Variants in PIEZO2 observed in about 807,000 individuals in gnomAD.
PIEZO2 encodes the protein piezo-type mechanosensitive ion channel component 2.
PIEZO2 carries 172 observed loss-of-function variants against 337.3 expected under a neutral mutation model. The ratio of observed to expected loss-of-function variants is 0.51; its 90% CI spans 0.45 to 0.58. The LOEUF (loss-of-function observed/expected upper bound fraction) is 0.58, where lower values mean the gene tolerates loss of function less well. PIEZO2 is among the 20% of genes least tolerant of loss of function. The pLI, the probability that PIEZO2 is intolerant of heterozygous loss-of-function variation, is 0.00. For synonymous variants in PIEZO2, 1,251 were observed against 1,228.5 expected (o/e 1.02, Z -0.38); for missense variants, 3,028 against 3,391.3 (o/e 0.89, Z 2.66).
intron 4 of PIEZO2, among the ~76,000 whole-genome samples, chr18:10,900,498 T>C (rs535401666): frequency 9.5e-4 from 144 of 152,348 alleles, no homozygotes; most frequent in Non-Finnish European, 1.6e-3. Context: ...AGATATCTCA[T>C]GACAATGGGT....
At position 10,872,733 on chromosome 18, in the gene PIEZO2, G is replaced by A. The variant is rs1490690235; in HGVS notation, c.330-1318C>T. On this transcript the variant is annotated intron_variant, in intron 4 of 55. Coordinates refer to ENST00000674853, the MANE Select transcript of PIEZO2 (RefSeq NM_001378183.1). The surrounding 1 kb of genome is among the most constrained non-coding windows in gnomAD (Gnocchi z 4.3). ...TAAAGCCACATGAAGAGCGATTCCC[G>A]GCATGTTCTCTGCTCACTCATATAA... Among the ~76,000 whole-genome samples the A allele has an allele frequency of 3.3e-5, 5 of 152,092 alleles. No individual in the cohort carries two copies. Among genetic ancestry groups the A allele is most frequent in the South Asian group, 2.1e-4 (1 of 4,824 alleles).
In PIEZO2 at chr18:11,009,049, T is replaced by G. The variant is rs1002990909; in HGVS notation, c.161-29389A>C. Among the ~76,000 whole-genome samples the G allele has an allele frequency of 6.6e-6, 1 of 152,230 alleles. No homozygotes were observed. Among genetic ancestry groups the G allele is most frequent in the African/African-American group, 2.4e-5 (1 of 41,472 alleles). Reference sequence around the variant, plus strand: ...ATTATCCTTTGTACTGTCTTGAAGATTGAATTCTGTTACTTAACTACGTAC... The same window carrying G: ...ATTATCCTTTGTACTGTCTTGAAGAGTGAATTCTGTTACTTAACTACGTAC... On this transcript the variant is annotated intron_variant, in intron 2 of 55. Coordinates refer to ENST00000674853, the MANE Select transcript of PIEZO2 (RefSeq NM_001378183.1). The surrounding 1 kb of genome is among the most constrained non-coding windows in gnomAD (Gnocchi z 4.6).
Position 10,766,331 on chromosome 18 carries a change from AAGG to A in PIEZO2, c.2947-3236_2947-3234del, listed in dbSNP as rs1212025714. 6.6e-6 allele frequency among the ~76,000 whole-genome samples: 1 copy of A among 151,360 alleles called. No individual in the cohort carries two copies. Among genetic ancestry groups the A allele is most frequent in the Non-Finnish European group, 1.5e-5 (1 of 67,806 alleles). ...GAAGGGGAAGGAGAAGTAGGAGGAGAAGGAGGAGGAGGAGGACAATGACTATGA... is the reference window on the plus strand; with the variant it reads ...GAAGGGGAAGGAGAAGTAGGAGGAGAAGGAGGAGGAGGACAATGACTATGA... On this transcript the variant is annotated intron_variant, in intron 21 of 55. Coordinates refer to ENST00000674853, the MANE Select transcript of PIEZO2 (RefSeq NM_001378183.1). This position sits in a 1 kb window ranked among gnomAD's most constrained non-coding sequence, Gnocchi z 6.1.
chr18:10,917,296 T>G (rs1233978052), intron 3 of PIEZO2, among the ~76,000 whole-genome samples: 1 of 152,174 alleles, frequency 6.6e-6, no homozygotes, highest in East Asian at 1.9e-4. Flanking sequence ...TCTGGTCATC[T>G]TTATTTCCTT....
chr18:11,070,030 A>C lies in PIEZO2; in HGVS notation c.65-3808T>G, dbSNP rs73400504. ...AATTGAAGAAGACACAAATACAGTC[A>C]TGGACCTCTTAGCATCAGCAATATG... is the stretch of plus-strand genomic sequence containing the variant. On this transcript the variant is annotated intron_variant, in intron 1 of 55. Coordinates refer to ENST00000674853, the MANE Select transcript of PIEZO2 (RefSeq NM_001378183.1). The surrounding 1 kb of genome is among the most constrained non-coding windows in gnomAD (Gnocchi z 4.3). Among the ~76,000 whole-genome samples the C allele has an allele frequency of 4.7e-3, 711 of 152,362 alleles. 8 individuals are homozygous for C. The highest frequency in any genetic ancestry group is 0.016 in the African/African-American group (668 of 41,576).
In PIEZO2 at chr18:10,899,778, A is replaced by G. The variant is rs1264464204; in HGVS notation, c.329+11408T>C. On this transcript the variant is annotated intron_variant, in intron 4 of 55. Transcript: ENST00000674853. The surrounding 1 kb of genome is among the most constrained non-coding windows in gnomAD (Gnocchi z 4.6). Reference sequence around the variant, plus strand: ...TATAGTTCATCTCTTCATGCCCCTCATGAAACCTACAATGTTCATGCTAAC... The same window carrying G: ...TATAGTTCATCTCTTCATGCCCCTCGTGAAACCTACAATGTTCATGCTAAC... 6.6e-6 allele frequency among the ~76,000 whole-genome samples: 1 copy of G among 152,180 alleles called. No homozygotes were observed. Among genetic ancestry groups the G allele is most frequent in the African/African-American group, 2.4e-5 (1 of 41,454 alleles).
rs183158958 is a variant in PIEZO2, at chr18:11,059,070, C to T, written c.160+7057G>A. Among the ~76,000 whole-genome samples, 566 of 152,284 alleles carry T rather than the reference C, an allele frequency of 3.7e-3. 3 individuals carry two copies. Among genetic ancestry groups the T allele is most frequent in the African/African-American group, 0.013 (546 of 41,558 alleles). On this transcript the variant is annotated intron_variant, in intron 2 of 55. Transcript: ENST00000674853. ...AACAGCTGATTTCTCGGCAGAAACT[C>T]TACAAGCCAGAAGAGAGTGGGGGCC...
chr18:10,889,864 A>G (rs117348675), intron 4 of PIEZO2, among the ~76,000 whole-genome samples: 4 of 152,212 alleles, frequency 2.6e-5, no homozygotes, highest in African/African-American at 7.2e-5. Flanking sequence ...CACATAGAAG[A>G]AAGAGCTCCC....
In PIEZO2 at chr18:11,105,266, T is replaced by C. The variant is rs1018875590; in HGVS notation, c.65-39044A>G. The stretch of plus-strand genomic sequence containing the variant: ...CACGCCCAAAGACTGCAAACCAATA[T>C]GGACTCACAACGCCCATTTGACACA... On this transcript the variant is annotated intron_variant, in intron 1 of 55. Coordinates refer to ENST00000674853, the MANE Select transcript of PIEZO2 (RefSeq NM_001378183.1). The surrounding 1 kb of genome is among the most constrained non-coding windows in gnomAD (Gnocchi z 4.3). Among the ~76,000 whole-genome samples the C allele has an allele frequency of 3.9e-5, 6 of 152,158 alleles. No individual in the cohort carries two copies. The highest frequency in any genetic ancestry group is 8.8e-5 in the Non-Finnish European group (6 of 68,036).
In PIEZO2 at chr18:10,699,251, C is replaced by G. The variant is rs917997173; in HGVS notation, c.6442-74G>C. The G allele has an allele frequency of 6.0e-6, 9 of 1,510,404 alleles. No individual in the cohort carries two copies. In the African/African-American group the frequency reaches 1.3e-4, roughly 21 times the overall value. 93.6% of individuals were successfully genotyped at this position (1,510,404 alleles called of 1,614,324 possible). A position where few individuals can be genotyped will look rare whatever the true frequency, so the allele number is the denominator to read the frequency against. Reference sequence around the variant, plus strand: ...CCCTTGGTATTCTGTCTTACAAAATCTCATCCAACAAACTGTCCTTCAAGA... The same window carrying G: ...CCCTTGGTATTCTGTCTTACAAAATGTCATCCAACAAACTGTCCTTCAAGA... On this transcript the variant is annotated intron_variant, in intron 43 of 55. Coordinates refer to ENST00000674853, the MANE Select transcript of PIEZO2 (RefSeq NM_001378183.1).
intron 2 of PIEZO2, among the ~76,000 whole-genome samples, chr18:10,989,991 A>G (rs1319270320): frequency 6.6e-6 from 1 of 152,190 alleles, no homozygotes. Flanking sequence ...GAGACGAATA[A>G]TGACATTTAC....
chr18:10,684,397 C>A (rs2034445596), intron 49 of PIEZO2, among the ~76,000 whole-genome samples: 1 of 150,918 alleles, frequency 6.6e-6, no homozygotes, highest in African/African-American at 2.4e-5. Flanking sequence ...AATCTCCTGG[C>A]CTCGTGATCT....
chr18:11,147,584 T>C (rs994292449), intron 1 of PIEZO2, among the ~76,000 whole-genome samples: 1 of 152,188 alleles, frequency 6.6e-6, no homozygotes, highest in Non-Finnish European at 1.5e-5. Context: ...GTAAATACAG[T>C]TACTACTTGG....
At position 11,009,534 on chromosome 18, in the gene PIEZO2, T is replaced by C. The variant is rs150589954; in HGVS notation, c.161-29874A>G. The stretch of plus-strand genomic sequence containing the variant: ...AGCAGCGTATGAGAGTAGCAGCACC[T>C]TTCTTCTTATTAAACATTTAAGTAA... On this transcript the variant is annotated intron_variant, in intron 2 of 55. Transcript: ENST00000674853. The surrounding 1 kb of genome is among the most constrained non-coding windows in gnomAD (Gnocchi z 4.6). Among the ~76,000 whole-genome samples the C allele has an allele frequency of 3.4e-3, 520 of 152,344 alleles. 3 individuals are homozygous for C. The highest frequency in any genetic ancestry group is 4.9e-3 in the Non-Finnish European group (334 of 68,030).
At chr18:10,891,673 A>G (rs1189762051) in intron 4 of PIEZO2, among the ~76,000 whole-genome samples, 1 of 152,214 alleles carries the variant, frequency 6.6e-6, no homozygotes, top group East Asian at 1.9e-4. Flanking sequence ...AGAGCATTGC[A>G]ATTTTGAGAC....
intron 1 of PIEZO2, among the ~76,000 whole-genome samples, chr18:11,075,210 T>C (rs1193754916): frequency 1.3e-5 from 2 of 152,244 alleles, no homozygotes; most frequent in Non-Finnish European, 2.9e-5. Flanking sequence ...AATAATTTTC[T>C]TTCTGTACGC....
rs79635140 is a variant in PIEZO2, at chr18:10,699,344, G to T, written c.6442-167C>A. Among the ~76,000 whole-genome samples the T allele has an allele frequency of 0.018, 2,805 of 152,282 alleles. 89 individuals are homozygous for T. The highest frequency in any genetic ancestry group is 0.064 in the African/African-American group (2,669 of 41,548). On this transcript the variant is annotated intron_variant, in intron 43 of 55. Coordinates refer to ENST00000674853, the MANE Select transcript of PIEZO2 (RefSeq NM_001378183.1). ...TCATCTTGAATTCCCACATGTTGTGGGAGAGACCCGGTGGGACGTAATTGA... is the reference window on the plus strand; with the variant it reads ...TCATCTTGAATTCCCACATGTTGTGTGAGAGACCCGGTGGGACGTAATTGA...
chr18:10,780,767 A>G (rs1004581445), intron 17 of PIEZO2, among the ~76,000 whole-genome samples: 2 of 145,994 alleles, frequency 1.4e-5, no homozygotes, highest in Admixed American at 7.1e-5. Flanking sequence ...GGTTCAAGTG[A>G]TTCTCCTGCC....
Position 10,724,782 on chromosome 18 carries a change from A to G in PIEZO2, c.5030-6523T>C. On this transcript the variant is annotated intron_variant, in intron 36 of 55. Transcript: ENST00000674853. This position sits in a 1 kb window ranked among gnomAD's most constrained non-coding sequence, Gnocchi z 5.8. ...TGCCCGTGGCTCTGGCAGTCCCCCC[A>G]GCACTGCAGCCCCAGCCTGAGCAGC... 1 of 1,580,732 alleles carries G rather than the reference A, an allele frequency of 6.3e-7. No homozygotes were observed. Among genetic ancestry groups the G allele is most frequent in the Non-Finnish European group, 8.6e-7 (1 of 1,161,406 alleles).
Sources: gnomAD v4.1 joint callset for allele counts (sites outside exome capture counted in the v4.1 genomes callset) on GRCh38, gnomAD v4.1.1 for gene constraint, Gnocchi (gnomAD v3.1) non-coding constraint, MANE v1.5 for transcripts, NCBI Gene and HGNC (gene_info 2026-07-23, HGNC 2026-07-21) for gene names.